The following ISM2 variants were observed in gnomAD, a reference collection of about 807,000 sequenced individuals.
ISM2 encodes the protein isthmin-2.
In ISM2, 50 loss-of-function variants were observed where a neutral mutation model predicts 58.0. That is an observed-to-expected ratio of 0.86 (90% confidence interval 0.69 to 1.09). The LOEUF is 1.09. Ranked by LOEUF, ISM2 falls within the 50% of genes least tolerant of loss-of-function variation. The pLI is 0.00. For missense variants in ISM2, 723 were observed against 745.0 expected, an observed-to-expected ratio of 0.97 and a Z score of 0.34; for synonymous variants, 303 against 312.4, an observed-to-expected ratio of 0.97 and a Z score of 0.32.
At chr14:77,480,179 T>C (rs2079122672) in intron 4 of ISM2, among the ~76,000 whole-genome samples, 1 of 151,266 alleles carries the variant, frequency 6.6e-6, no homozygotes. Context: ...AAAGCTACTG[T>C]GGAGGCTGAG....
chr14:77,496,654 G>A (rs916361590), intron 1 of ISM2, among the ~76,000 whole-genome samples: 4 of 151,296 alleles, frequency 2.6e-5, no homozygotes, highest in African/African-American at 4.9e-5. Context: ...AAAATTAGCC[G>A]GGCGTGGTGG....
chr14:77,478,238 T>G lies in ISM2; in HGVS notation c.1198+4A>C. Reference sequence around the variant, plus strand: ...ACCAGGGGCAAGCCTAGCCCCTCACTCACCTTGATCATGCATGTCCGTAGC... The same window carrying G: ...ACCAGGGGCAAGCCTAGCCCCTCACGCACCTTGATCATGCATGTCCGTAGC... On this transcript the variant is annotated splice_donor_region_variant and intron_variant, in intron 6 of 6. Coordinates refer to ENST00000342219, the MANE Select transcript of ISM2 (RefSeq NM_199296.3). 1 of 1,613,534 alleles carries G rather than the reference T, an allele frequency of 6.2e-7. No homozygotes were observed. The highest frequency in any genetic ancestry group is 8.5e-7 in the Non-Finnish European group (1 of 1,179,584).
intron 1 of ISM2, among the ~76,000 whole-genome samples, chr14:77,497,367 CAAAAAA>C (rs35676781): frequency 6.2e-5 from 4 of 64,764 alleles, no homozygotes; most frequent in East Asian, 5.5e-4. Flanking sequence ...GGCTCTGTCT[CAAAAAA>C]AAAAAAAAAA....
chr14:77,483,678 G>A (rs776598160), intron 3 of ISM2: 4 of 152,148 alleles, frequency 2.6e-5, no homozygotes, highest in Non-Finnish European at 4.4e-5. Flanking sequence ...GTGTGTGTAG[G>A]TAAGTAGAGA....
Position 77,475,047 on chromosome 14 carries a change from G to A in ISM2, c.*548C>T, listed in dbSNP as rs1157675484. ...CCTCCTGTGCAGTGGCTCGTGGCAG[G>A]GAGTGGGGAAAGAAGGGCATGTGCA... On this transcript the variant is annotated 3_prime_UTR_variant, in exon 7 of 7. Transcript: ENST00000342219. This position sits in a 1 kb window ranked among gnomAD's most constrained non-coding sequence, Gnocchi z 4.1. The A allele has an allele frequency of 6.6e-6, 1 of 152,360 alleles. No individual in the cohort carries two copies. Among genetic ancestry groups the A allele is most frequent in the Non-Finnish European group, 1.5e-5 (1 of 68,140 alleles). 9.4% of individuals were successfully genotyped at this position (152,360 alleles called of 1,614,324 possible).
chr14:77,479,178 C>A (rs1489030121), intron 4 of ISM2, among the ~76,000 whole-genome samples: 2 of 151,622 alleles, frequency 1.3e-5, no homozygotes, highest in Non-Finnish European at 2.9e-5. Flanking sequence ...GCAATCCCCC[C>A]ACCTCAGCCT....
chr14:77,479,835 T>G (rs1429416546), intron 4 of ISM2, among the ~76,000 whole-genome samples: 2 of 152,020 alleles, frequency 1.3e-5, no homozygotes, highest in Non-Finnish European at 2.9e-5. Flanking sequence ...AATTTTTAAA[T>G]TTTTTGTAGA....
In ISM2 at chr14:77,482,609, T is replaced by A. The variant is rs1478997848; in HGVS notation, c.686A>T (p.Glu229Val). ...ATCCTGGGGCGGGGGATTGCTGGGCTCAGCCAACAGGTCTATCGACACCTC... is the reference window on the plus strand; with the variant it reads ...ATCCTGGGGCGGGGGATTGCTGGGCACAGCCAACAGGTCTATCGACACCTC... Reference protein sequence around the residue: ...QAEVSIDLLAEPSNPPPQDTL... With the variant: ...QAEVSIDLLAVPSNPPPQDTL... The change falls in exon 4 of 7, where the codon GAG becomes GTG. Residue 229 changes from glutamate to valine, a missense_variant. Physicochemically the swap from Glu to Val is moderately radical, Grantham distance 121 (BLOSUM62 -2). Coordinates refer to ENST00000342219, the MANE Select transcript of ISM2 (RefSeq NM_199296.3). The A allele has an allele frequency of 1.2e-6, 2 of 1,606,816 alleles. No homozygotes were observed. Among genetic ancestry groups the A allele is most frequent in the Non-Finnish European group, 1.7e-6 (2 of 1,176,672 alleles).
Position 77,498,614 on chromosome 14 carries a change from C to G in ISM2, c.141+39G>C, listed in dbSNP as rs114330715. The G allele has an allele frequency of 1.9e-3, 2,618 of 1,408,028 alleles. 42 individuals carry two copies. In the African/African-American group the frequency reaches 0.034, roughly 18 times the overall value. The allele number at this position is 1,408,028 out of a possible 1,614,324, so 87.2% of individuals were successfully genotyped here. On this transcript the variant is annotated intron_variant, in intron 1 of 6. Transcript: ENST00000342219. ...AGCCGGCGGGCTGGGGAGGTGGGAC[C>G]GACAGCGCGCTCCGCAGCCCGGTGC...
At chr14:77,482,034 G>C (rs1428533146) in intron 4 of ISM2, among the ~76,000 whole-genome samples, 1 of 151,648 alleles carries the variant, frequency 6.6e-6, no homozygotes, top group Non-Finnish European at 1.5e-5. Context: ...GATCGCTTGA[G>C]CCCAGGAGTT....
chr14:77,498,429 G>T, intron 1 of ISM2: 1 of 1,221,826 alleles, frequency 8.2e-7, no homozygotes, highest in African/African-American at 1.5e-5. Flanking sequence ...GCTGGTCCGC[G>T]GCAGCCCGGC....
Position 77,492,983 on chromosome 14 carries a change from G to A in ISM2, c.141+5670C>T, listed in dbSNP as rs181136554. Among the ~76,000 whole-genome samples the A allele has an allele frequency of 2.8e-3, 422 of 151,536 alleles. 2 individuals are homozygous for A. Among genetic ancestry groups the A allele is most frequent in the African/African-American group, 9.5e-3 (392 of 41,300 alleles). On this transcript the variant is annotated intron_variant, in intron 1 of 6. Coordinates refer to ENST00000342219, the MANE Select transcript of ISM2 (RefSeq NM_199296.3). Reference sequence around the variant, plus strand: ...GCTCTCCAGCCTGGGCAACAAGAGCGAAACTTCATCTCAAAAAAAGAAAAA... The same window carrying A: ...GCTCTCCAGCCTGGGCAACAAGAGCAAAACTTCATCTCAAAAAAAGAAAAA...
At chr14:77,479,768 G>A (rs2079120922) in intron 4 of ISM2, among the ~76,000 whole-genome samples, 1 of 152,140 alleles carries the variant, frequency 6.6e-6, no homozygotes. Flanking sequence ...GCCTGCCTTG[G>A]CCTCCCAAAG....
chr14:77,487,697 G>C (rs2139966185), intron 1 of ISM2, among the ~76,000 whole-genome samples: 1 of 152,290 alleles, frequency 6.6e-6, no homozygotes, highest in Admixed American at 6.5e-5. Context: ...TTCTCTTGAA[G>C]CCTACCCCAA....
In ISM2 at chr14:77,482,325, A is replaced by C. The variant is rs2079137032; in HGVS notation, c.970T>G (p.Tyr324Asp). The C allele has an allele frequency of 6.2e-7, 1 of 1,611,340 alleles. No individual in the cohort carries two copies. The highest frequency in any genetic ancestry group is 1.7e-5 in the Admixed American group (1 of 59,856). The change falls in exon 4 of 7, where the codon TAC becomes GAC. Residue 324 changes from tyrosine (Y) to aspartate (D), a missense_variant. Tyr to Asp is a radical substitution (Grantham distance 160). Coordinates refer to ENST00000342219, the MANE Select transcript of ISM2 (RefSeq NM_199296.3). ...ATGCCAAGATGGGGGTGCTCACCGTAGCTGACAGAATCCTTGAAGACCCAA... is the reference window on the plus strand; with the variant it reads ...ATGCCAAGATGGGGGTGCTCACCGTCGCTGACAGAATCCTTGAAGACCCAA... ...GDWVFKDSVS[Y>D]DYEPQKEWSP...
chr14:77,480,894 G>C (rs1206268847), intron 4 of ISM2, among the ~76,000 whole-genome samples: 1 of 151,908 alleles, frequency 6.6e-6, no homozygotes, highest in Non-Finnish European at 1.5e-5. Flanking sequence ...CATTATTTTA[G>C]TGAATTGGGA....
At chr14:77,479,043 C>A (rs1012651922) in intron 4 of ISM2, among the ~76,000 whole-genome samples, 1 of 152,160 alleles carries the variant, frequency 6.6e-6, no homozygotes, top group African/African-American at 2.4e-5. Context: ...TTGGGCAAGT[C>A]CCCCTACATC....
rs898005768 is a variant in ISM2 at position 77,475,647 on chromosome 14, T to C, written c.1664A>G (p.Asn555Ser). 2 of 1,611,494 alleles carry C rather than the reference T, an allele frequency of 1.2e-6. No homozygotes were observed. The highest frequency in any genetic ancestry group is 1.7e-5 in the Admixed American group (1 of 59,802). The change falls in exon 7 of 7, where the codon AAC becomes AGC. Residue 555 changes from asparagine (N) to serine (S), a missense_variant. Transcript: ENST00000342219. The surrounding 1 kb of genome is among the most constrained non-coding windows in gnomAD (Gnocchi z 4.1). ...TGCTAGGTACTCCTCCTCCAGGGGG[T>C]TGTCGGTGCAGGCTCGGCCGTTGTT... ...PPNNGRACTDNPLEEEYLAQL... is the reference protein window; with the variant it reads ...PPNNGRACTDSPLEEEYLAQL...
At chr14:77,494,928 G>C (rs1337491917) in intron 1 of ISM2, among the ~76,000 whole-genome samples, 1 of 152,028 alleles carries the variant, frequency 6.6e-6, no homozygotes, top group African/African-American at 2.4e-5. Flanking sequence ...TTGTCACCCA[G>C]GTTGGAGTGC....
Sources: allele counts gnomAD v4.1 joint callset (sites outside exome capture counted in the v4.1 genomes callset), GRCh38; gene constraint gnomAD v4.1.1; non-coding constraint Gnocchi (gnomAD v3.1); transcripts MANE v1.5; gene names NCBI Gene and HGNC (gene_info 2026-07-23, HGNC 2026-07-21).